ITPRID2: variants seen among roughly 807,000 people sequenced by gnomAD.
The protein encoded by ITPRID2 is protein ITPRID2.
ITPRID2 carries 60 observed loss-of-function variants against 124.3 expected under a neutral mutation model. The ratio of observed to expected loss-of-function variants is 0.48; its 90% CI spans 0.39 to 0.60. ITPRID2 has a LOEUF of 0.60. Ranked by LOEUF, ITPRID2 falls within the 20% of genes least tolerant of loss-of-function variation. The pLI is 0.00. For missense variants in ITPRID2, 1,553 were observed against 1,512.2 expected (o/e 1.03, Z -0.45); for synonymous variants, 521 against 542.9 (o/e 0.96, Z 0.56).
chr2:181,915,048 G>A (rs1166424200), intron 10 of ITPRID2, among the ~76,000 whole-genome samples, 168 bp from the exon 11 acceptor site: 1 of 152,208 alleles, frequency 6.6e-6, no homozygotes, highest in East Asian at 1.9e-4. Context: ...GTGAGAGGAA[G>A]GAGGGATGTG....
intron 16 of ITPRID2, among the ~76,000 whole-genome samples, chr2:181,926,613 T>C (rs1318885099): frequency 6.7e-6 from 1 of 149,306 alleles, no homozygotes; most frequent in African/African-American, 2.5e-5. Context: ...CTCAGGAGGC[T>C]GAAGCAGGAG....
Position 181,915,297 on chromosome 2 carries a change from C to A in ITPRID2, c.1657C>A (p.Leu553Ile). ...AACAGTTACGTCACTTGGTGAAGACCTTGCCACACCAACAGCACAAGACCA... is the reference window on the plus strand; with the variant it reads ...AACAGTTACGTCACTTGGTGAAGACATTGCCACACCAACAGCACAAGACCA... Reference protein sequence around the residue: ...ETTVTSLGEDLATPTAQDQPY... With the variant: ...ETTVTSLGEDIATPTAQDQPY... Residue 553 changes from leucine (L) to isoleucine (I), a missense_variant, in exon 11 of 18, where the codon CTT (leucine) becomes ATT (isoleucine). Coordinates refer to ENST00000431877, the MANE Select transcript of ITPRID2 (RefSeq NM_001130445.3). 1 of 1,614,148 alleles carries A rather than the reference C, an allele frequency of 6.2e-7. No individual in the cohort carries two copies. Among genetic ancestry groups the A allele is most frequent in the Non-Finnish European group, 8.5e-7 (1 of 1,180,034 alleles).
chr2:181,918,168 A>T, intron 11 of ITPRID2: 1 of 295,304 alleles, frequency 3.4e-6, no homozygotes, highest in Non-Finnish European at 5.0e-6. Context: ...TTTTTATCTC[A>T]CTGCCTAAAA....
chr2:181,925,561 G>A (rs2125114626), intron 16 of ITPRID2, among the ~76,000 whole-genome samples: 1 of 152,160 alleles, frequency 6.6e-6, no homozygotes, highest in South Asian at 2.1e-4. Flanking sequence ...TCCTTTTTGT[G>A]TCTGATATTG....
chr2:181,895,485 A>G (rs1692122014), intron 2 of ITPRID2, among the ~76,000 whole-genome samples: 1 of 152,052 alleles, frequency 6.6e-6, no homozygotes, highest in African/African-American at 2.4e-5. Flanking sequence ...CTACATTTAC[A>G]TAAAAAGATA....
Position 181,915,835 on chromosome 2 carries a change from A to G in ITPRID2, c.2195A>G (p.Tyr732Cys), listed in dbSNP as rs774065217. ...AGGTACTTATTTGCAAAAGCTGGCT[A>G]TCCTCTAAGAAGGTCTCAGTCTTTA... ...KQRYLFAKAG[Y>C]PLRRSQSLPT... The change falls in exon 11 of 18, where the codon TAT (tyrosine) becomes TGT (cysteine). Residue 732 changes from tyrosine to cysteine, a missense_variant. Transcript: ENST00000431877. 1.7e-5 allele frequency: 28 copies of G among 1,614,250 alleles called. No homozygotes were observed. Among genetic ancestry groups the G allele is most frequent in the Non-Finnish European group, 2.3e-5 (27 of 1,180,052 alleles).
chr2:181,909,493 A>T (rs922064236), intron 8 of ITPRID2, among the ~76,000 whole-genome samples: 1 of 152,120 alleles, frequency 6.6e-6, no homozygotes, highest in Non-Finnish European at 1.5e-5. Flanking sequence ...TTTTCATATA[A>T]TAGCAACATT....
chr2:181,904,017 G>A (rs534292135), intron 8 of ITPRID2, among the ~76,000 whole-genome samples: 8 of 152,198 alleles, frequency 5.3e-5, no homozygotes, highest in South Asian at 2.1e-4. Flanking sequence ...TGGCGACTCC[G>A]AGTGAACAAC....
chr2:181,900,801 A>ATTT lies in ITPRID2; in HGVS notation c.613_615dup (p.Phe205dup), dbSNP rs1692598985. ...ATATTGCTTCTAAAATTCCTTCCAG[A>ATTT]TTTTTTAATTCATCATCCTTTGCCA... On this transcript the variant is annotated inframe_insertion, in exon 7 of 18. Transcript: ENST00000431877. 6.2e-7 allele frequency: 1 copy of ATTT among 1,613,176 alleles called. No individual in the cohort carries two copies. Among genetic ancestry groups the ATTT allele is most frequent in the African/African-American group, 1.3e-5 (1 of 74,872 alleles).
chr2:181,925,356 C>T (rs1421890946), intron 16 of ITPRID2, among the ~76,000 whole-genome samples: 2 of 152,160 alleles, frequency 1.3e-5, no homozygotes, highest in Admixed American at 1.3e-4. Flanking sequence ...GGAAATTATG[C>T]TCATAAAGGT....
chr2:181,916,359 T>C lies in ITPRID2; in HGVS notation c.2719T>C (p.Ser907Pro), dbSNP rs755961208. Residue 907 changes from serine to proline, a missense_variant, in exon 11 of 18, where the codon TCA becomes CCA. Transcript: ENST00000431877. ...PYRVCSVNPP[S>P]AIEMQLRRVL... is the part of the protein sequence containing the mutation. ...CCGAGTGTGCTCTGTGAATCCTCCT[T>C]CAGCCATAGAAATGCAGTTGCGAAG... The C allele has an allele frequency of 1.9e-6, 3 of 1,614,232 alleles. No individual in the cohort carries two copies. The highest frequency in any genetic ancestry group is 3.3e-5 in the Admixed American group (2 of 60,028).
chr2:181,896,442 C>A lies in ITPRID2; in HGVS notation c.307+363C>A, dbSNP rs1046096080. Among the ~76,000 whole-genome samples the A allele has an allele frequency of 2.0e-5, 3 of 151,890 alleles. No individual in the cohort carries two copies. Among genetic ancestry groups the A allele is most frequent in the African/African-American group, 7.2e-5 (3 of 41,404 alleles). ...GCTTACATTTACTGAAATTGCCACA[C>A]CTAAAATTTTACCACCTGTTCAAGA... On this transcript the variant is annotated intron_variant, in intron 3 of 17. Coordinates refer to ENST00000431877, the MANE Select transcript of ITPRID2 (RefSeq NM_001130445.3). This position sits in a 1 kb window ranked among gnomAD's most constrained non-coding sequence, Gnocchi z 4.3.
chr2:181,901,191 G>T (rs193210949), intron 7 of ITPRID2, among the ~76,000 whole-genome samples: 86 of 152,228 alleles, frequency 5.6e-4, no homozygotes, highest in Non-Finnish European at 9.0e-4. Flanking sequence ...AAGAAGAAAA[G>T]AAGTAGGAGA....
chr2:181,912,412 G>C (rs1445755090), intron 9 of ITPRID2, among the ~76,000 whole-genome samples: 1 of 152,136 alleles, frequency 6.6e-6, no homozygotes, highest in Non-Finnish European at 1.5e-5. Context: ...ATTTACGTAG[G>C]CTTATCAAGG....
At chr2:181,927,315 T>G (rs528484396) in intron 16 of ITPRID2, among the ~76,000 whole-genome samples, 1 of 152,328 alleles carries the variant, frequency 6.6e-6, no homozygotes, top group East Asian at 1.9e-4. Context: ...ACATTATCAC[T>G]TTATTTCAGG....
chr2:181,900,137 C>G lies in ITPRID2; in HGVS notation c.504-559C>G, dbSNP rs185627908. ...GTTACCTTTGTGTAACCCACACTCT[C>G]TGTACCTTACTCCTCCTACTTCCTG... On this transcript the variant is annotated intron_variant, in intron 6 of 17. Transcript: ENST00000431877. Among the ~76,000 whole-genome samples the G allele has an allele frequency of 2.6e-5, 4 of 152,328 alleles. No homozygotes were observed. The East Asian group carries it at 5.8e-4, about 22-fold the overall frequency.
chr2:181,899,224 A>G lies in ITPRID2; in HGVS notation c.503+112A>G, dbSNP rs924202333. 4.0e-6 allele frequency: 3 copies of G among 756,018 alleles called. No individual in the cohort carries two copies. In the Admixed American group the frequency reaches 9.1e-5, roughly 23 times the overall value. The allele number at this position is 756,018 out of a possible 1,614,324, so 46.8% of individuals were successfully genotyped here. A position where few individuals can be genotyped will look rare whatever the true frequency, so the allele number is the denominator to read the frequency against. On this transcript the variant is annotated intron_variant, in intron 6 of 17. Transcript: ENST00000431877. The stretch of plus-strand genomic sequence containing the variant: ...ATCATATGAAATCAGAAAGAACACA[A>G]AAAGAGCGTTTCCTGTACCAGCACA...
chr2:181,918,709 T>C, intron 12 of ITPRID2, 34 bp downstream of exon 12: 2 of 1,613,724 alleles, frequency 1.2e-6, no homozygotes, highest in Non-Finnish European at 1.7e-6. Flanking sequence ...TGTTCCAAAA[T>C]AATTTGTAGA....
In ITPRID2 at chr2:181,928,152, C is replaced by A. The variant is rs1438371007; in HGVS notation, c.3676-9C>A. 2 of 1,507,046 alleles carry A rather than the reference C, an allele frequency of 1.3e-6. No individual in the cohort carries two copies. Among genetic ancestry groups the A allele is most frequent in the East Asian group, 5.0e-5 (2 of 40,324 alleles). 93.4% of individuals were successfully genotyped at this position (1,507,046 alleles called of 1,614,324 possible). A position where few individuals can be genotyped will look rare whatever the true frequency, so the allele number is the denominator to read the frequency against. On this transcript the variant is annotated splice_polypyrimidine_tract_variant and intron_variant, in intron 16 of 17. Coordinates refer to ENST00000431877, the MANE Select transcript of ITPRID2 (RefSeq NM_001130445.3). ...GGTAAATTTTTGTTTTATTGTTTTTCCAATCTAGATTAAAGAGTCTATTGT... is the reference window on the plus strand; with the variant it reads ...GGTAAATTTTTGTTTTATTGTTTTTACAATCTAGATTAAAGAGTCTATTGT...
Sources: gnomAD v4.1 joint callset for allele counts (sites outside exome capture counted in the v4.1 genomes callset) on GRCh38, gnomAD v4.1.1 for gene constraint, Gnocchi (gnomAD v3.1) non-coding constraint, MANE v1.5 for transcripts, NCBI Gene and HGNC (gene_info 2026-07-23, HGNC 2026-07-21) for gene names.